HDAC9: variants seen among roughly 807,000 people sequenced by gnomAD.
HDAC9 encodes MEF-2 interacting transcription repressor (MITR) protein.
In HDAC9, 41 loss-of-function variants were observed where a neutral mutation model predicts 139.4. That is an observed-to-expected ratio of 0.29 (90% CI 0.23 to 0.38). The LOEUF (loss-of-function observed/expected upper bound fraction) is 0.38, where lower values mean the gene tolerates loss of function less well. HDAC9 is among the 10% of genes least tolerant of loss of function. The pLI is 1.00. For synonymous variants in HDAC9, 517 were observed against 476.2 expected (o/e 1.09, Z -1.12); for missense variants, 1,147 against 1,297.0 (o/e 0.88, Z 1.78).
chr7:18,540,242 C>T (rs1284521160), intron 2 of HDAC9, among the ~76,000 whole-genome samples: 1 of 142,454 alleles, frequency 7.0e-6, no homozygotes, highest in Non-Finnish European at 1.5e-5. Flanking sequence ...CACTGCACTC[C>T]AGCCTGGGCA....
chr7:18,785,349 G>A (rs1056880428), intron 16 of HDAC9, among the ~76,000 whole-genome samples: 4 of 151,730 alleles, frequency 2.6e-5, no homozygotes, highest in South Asian at 4.2e-4. Context: ...ACCATGCATC[G>A]TAGGATGCGT....
intron 14 of HDAC9, among the ~76,000 whole-genome samples, chr7:18,758,075 G>C (rs1045165647): frequency 6.6e-6 from 1 of 152,098 alleles, no homozygotes; most frequent in Non-Finnish European, 1.5e-5. Flanking sequence ...GAACGATAAG[G>C]TAACAATGAA....
rs1422016722 is a variant in HDAC9 at position 18,377,415 on chromosome 7, G to A, written c.-42+86900G>A. On this transcript the variant is annotated intron_variant, in intron 1 of 3. Transcript: ENST00000413509. ...TGAGCATAAGTTTTATGTACAAAAT[G>A]TTGTCAATATTTTTCTAGTCAGTAG... Among the ~76,000 whole-genome samples, 15 of 152,112 alleles carry A rather than the reference G, an allele frequency of 9.9e-5. 1 individual carries two copies. Among genetic ancestry groups the A allele is most frequent in the Admixed American group, 9.8e-4 (15 of 15,276 alleles).
intron 1 of HDAC9, among the ~76,000 whole-genome samples, chr7:18,091,600 A>C (rs1782151264): frequency 6.6e-6 from 1 of 152,248 alleles, no homozygotes; most frequent in Admixed American, 6.5e-5. Context: ...GCTGTGTAAC[A>C]CATTTCCACA....
intron 2 of HDAC9, among the ~76,000 whole-genome samples, chr7:18,580,720 A>T (rs1473899117): frequency 6.6e-6 from 1 of 152,220 alleles, no homozygotes; most frequent in African/African-American, 2.4e-5. Context: ...CAGACAAGGA[A>T]TGTTGTGAAC....
chr7:18,654,653 C>A (rs1040358525), intron 11 of HDAC9, among the ~76,000 whole-genome samples: 2 of 152,068 alleles, frequency 1.3e-5, no homozygotes, highest in African/African-American at 4.8e-5. Flanking sequence ...AGGAAACCGG[C>A]TTTTCCTAAT....
At position 18,496,028 on chromosome 7, in the gene HDAC9, G is replaced by C. The variant is rs1796842384; in HGVS notation, c.-42+5G>C. 7.0e-7 allele frequency: 1 copy of C among 1,431,398 alleles called. No homozygotes were observed. Among genetic ancestry groups the C allele is most frequent in the Non-Finnish European group, 9.1e-7 (1 of 1,097,190 alleles). 88.7% of individuals were successfully genotyped at this position (1,431,398 alleles called of 1,614,324 possible). The stretch of plus-strand genomic sequence containing the variant: ...TCCTTTCTGCTTTGCACACAGGTTG[G>C]TAACATGGGAAAAGTGTCCAGGTCT... On this transcript the variant is annotated splice_donor_5th_base_variant and intron_variant, in intron 1 of 25. Transcript: ENST00000686413.
intron 22 of HDAC9, among the ~76,000 whole-genome samples, chr7:18,912,827 C>T (rs761943234): frequency 6.6e-6 from 1 of 152,002 alleles, no homozygotes; most frequent in African/African-American, 2.4e-5. Flanking sequence ...TTGGGTAAGA[C>T]AGATTTGTGT....
intron 5 of HDAC9, among the ~76,000 whole-genome samples, chr7:18,592,296 A>G (rs895326623): frequency 2.6e-5 from 4 of 152,162 alleles, no homozygotes; most frequent in African/African-American, 4.8e-5. Context: ...CTCCTGACAC[A>G]CAACCTGACA....
At chr7:18,979,016 T>G (rs2129339912) in intron 25 of HDAC9, among the ~76,000 whole-genome samples, 1 of 152,362 alleles carries the variant, frequency 6.6e-6, no homozygotes, top group Non-Finnish European at 1.5e-5. Flanking sequence ...CATTTTGACC[T>G]GTAAATCGTG....
intron 2 of HDAC9, among the ~76,000 whole-genome samples, chr7:18,272,591 T>G (rs535041937): frequency 3.3e-5 from 5 of 152,082 alleles, no homozygotes; most frequent in South Asian, 2.1e-4. Flanking sequence ...AAAAGAAACC[T>G]CGAAGTAGGC....
chr7:18,278,187 T>C (rs1796871527), intron 2 of HDAC9, among the ~76,000 whole-genome samples: 1 of 152,228 alleles, frequency 6.6e-6, no homozygotes, highest in Admixed American at 6.5e-5. Flanking sequence ...CTCCTTTCAG[T>C]TGCAGGAAAT....
At chr7:18,947,766 T>G (rs1024029532) in intron 23 of HDAC9, among the ~76,000 whole-genome samples, 1 of 151,946 alleles carries the variant, frequency 6.6e-6, no homozygotes, top group Non-Finnish European at 1.5e-5. Context: ...GAGGCCTATG[T>G]GATACCAATA....
intron 2 of HDAC9, among the ~76,000 whole-genome samples, chr7:18,253,229 T>G (rs760505857): frequency 3.3e-5 from 5 of 152,238 alleles, no homozygotes; most frequent in Non-Finnish European, 5.9e-5. Context: ...TGCATGTGTC[T>G]TTATAATAGA....
chr7:18,696,069 A>C (rs1012275191), intron 12 of HDAC9, among the ~76,000 whole-genome samples: 5 of 152,084 alleles, frequency 3.3e-5, no homozygotes, highest in East Asian at 3.9e-4. Context: ...TGTATGAAAC[A>C]TGGTTAAAAT....
chr7:18,807,253 T>A (rs28811631), intron 17 of HDAC9, among the ~76,000 whole-genome samples: 12,877 of 152,206 alleles, frequency 0.085, 606 homozygotes, highest in South Asian at 0.18. Flanking sequence ...TTATTCATAG[T>A]CTTTTATGAT....
chr7:18,385,033 T>C (rs1255742500), intron 1 of HDAC9, among the ~76,000 whole-genome samples: 1 of 152,186 alleles, frequency 6.6e-6, no homozygotes, highest in Non-Finnish European at 1.5e-5. Context: ...AGATAATCCT[T>C]CAATCCTTCT....
At chr7:18,776,709 G>A (rs780903962) in intron 16 of HDAC9, among the ~76,000 whole-genome samples, 1 of 151,812 alleles carries the variant, frequency 6.6e-6, no homozygotes, top group African/African-American at 2.4e-5. Context: ...TTGGATATTA[G>A]GATAGACAGG....
intron 2 of HDAC9, among the ~76,000 whole-genome samples, chr7:18,221,877 A>G (rs1562764161): frequency 6.6e-6 from 1 of 152,244 alleles, no homozygotes; most frequent in Admixed American, 6.5e-5. Context: ...ATTTAAAGAT[A>G]CAGTTACAGC....
Sources: gnomAD v4.1 joint callset for allele counts (sites outside exome capture counted in the v4.1 genomes callset) on GRCh38, gnomAD v4.1.1 for gene constraint, MANE v1.5 for transcripts, NCBI Gene and HGNC (gene_info 2026-07-23, HGNC 2026-07-21) for gene names.